The following TENM4 variants were observed in gnomAD, a reference collection of about 807,000 sequenced individuals.
TENM4 encodes teneurin transmembrane protein 4.
In TENM4, 82 loss-of-function variants were observed where a neutral mutation model predicts 243.3. The observed-to-expected ratio is 0.34, with a 90% CI of 0.28 to 0.40. The LOEUF (loss-of-function observed/expected upper bound fraction) is 0.40, where lower values mean the gene tolerates loss of function less well. TENM4 is among the 10% of genes least tolerant of loss of function. The pLI is 1.00. For synonymous variants in TENM4, 1,412 were observed against 1,456.3 expected (o/e 0.97, Z 0.69); for missense variants, 3,138 against 3,673.3 (o/e 0.85, Z 3.77).
chr11:79,273,443 T>C (rs2135348942), intron 2 of TENM4, among the ~76,000 whole-genome samples: 1 of 152,222 alleles, frequency 6.6e-6, no homozygotes, highest in East Asian at 1.9e-4. Context: ...GACTTGGGTT[T>C]CATGAGGTGC....
intron 14 of TENM4, among the ~76,000 whole-genome samples, chr11:78,809,326 G>A (rs933220209): frequency 6.6e-6 from 1 of 152,214 alleles, no homozygotes; most frequent in African/African-American, 2.4e-5. Context: ...TGTGGAGCAG[G>A]AGGGAAGTTT....
intron 3 of TENM4, among the ~76,000 whole-genome samples, chr11:79,159,811 G>T (rs1166873048): frequency 1.3e-5 from 2 of 152,108 alleles, no homozygotes; most frequent in Admixed American, 6.5e-5. Context: ...TACTGACTCA[G>T]TCATTCATTT....
chr11:78,991,908 A>T (rs1174189075), intron 6 of TENM4, among the ~76,000 whole-genome samples: 1 of 152,226 alleles, frequency 6.6e-6, no homozygotes, highest in East Asian at 1.9e-4. Flanking sequence ...TGGGAACAGG[A>T]GGGGTGGCAG....
chr11:79,246,251 T>C (rs1166574381), intron 2 of TENM4, among the ~76,000 whole-genome samples: 10 of 152,240 alleles, frequency 6.6e-5, no homozygotes, highest in Non-Finnish European at 1.3e-4. Context: ...AACCTTGGGA[T>C]ATGACTTATT....
intron 32 of TENM4, among the ~76,000 whole-genome samples, chr11:78,661,938 T>C (rs1174190351): frequency 6.6e-6 from 1 of 152,064 alleles, no homozygotes; most frequent in Non-Finnish European, 1.5e-5. Flanking sequence ...CCAACATCCA[T>C]AGGAGATACT....
At chr11:79,286,248 T>C (rs979215878) in intron 2 of TENM4, among the ~76,000 whole-genome samples, 3 of 152,128 alleles carry the variant, frequency 2.0e-5, no homozygotes, top group South Asian at 2.1e-4. Flanking sequence ...GTAGAGAATA[T>C]GAGCACTCGC....
At chr11:79,389,412 C>T (rs1018485821) in intron 1 of TENM4, among the ~76,000 whole-genome samples, 19 of 152,184 alleles carry the variant, frequency 1.2e-4, no homozygotes, top group Admixed American at 1.2e-3. Flanking sequence ...CTGCCTTGGC[C>T]TCCCAAAATG....
intron 4 of TENM4, among the ~76,000 whole-genome samples, chr11:79,129,535 G>A (rs1861955611): frequency 1.3e-5 from 2 of 152,168 alleles, no homozygotes; most frequent in Admixed American, 1.3e-4. Flanking sequence ...GTTTGTTGGG[G>A]GGTAGGGAGA....
intron 9 of TENM4, among the ~76,000 whole-genome samples, chr11:78,866,724 C>T (rs1858988737): frequency 6.6e-6 from 1 of 152,288 alleles, no homozygotes; most frequent in South Asian, 2.1e-4. Flanking sequence ...AGATGCACTC[C>T]TGAAAACTAT....
intron 28 of TENM4, among the ~76,000 whole-genome samples, chr11:78,691,309 C>T (rs1458813046): frequency 6.6e-6 from 1 of 152,188 alleles, no homozygotes; most frequent in Non-Finnish European, 1.5e-5. Context: ...CTCTGCTTCA[C>T]CAGCATTGGA....
chr11:78,723,802 A>G (rs529188767), intron 23 of TENM4, among the ~76,000 whole-genome samples: 129 of 152,272 alleles, frequency 8.5e-4, no homozygotes, highest in African/African-American at 3.0e-3. Flanking sequence ...ATCTTCTCCC[A>G]AACTGTTACC....
chr11:78,819,498 T>C (rs1412012405), intron 12 of TENM4, among the ~76,000 whole-genome samples: 3 of 152,172 alleles, frequency 2.0e-5, no homozygotes, highest in Admixed American at 6.5e-5. Flanking sequence ...GGGGCAGTAA[T>C]ATCAGTAAAG....
chr11:79,408,990 T>G (rs1398902722), intron 1 of TENM4, among the ~76,000 whole-genome samples: 1 of 151,974 alleles, frequency 6.6e-6, no homozygotes, highest in Non-Finnish European at 1.5e-5. Flanking sequence ...ATGGAATAAA[T>G]AAGAAGTATT....
At chr11:79,136,619 A>G (rs1862115254) in intron 4 of TENM4, among the ~76,000 whole-genome samples, 2 of 152,170 alleles carry the variant, frequency 1.3e-5, no homozygotes, top group Admixed American at 1.3e-4. Context: ...ATCATGGAAA[A>G]GGCAGAGGTT....
intron 1 of TENM4, among the ~76,000 whole-genome samples, chr11:79,398,229 C>T (rs1858385541): frequency 6.6e-6 from 1 of 151,610 alleles, no homozygotes; most frequent in African/African-American, 2.4e-5. Context: ...TAGGACAACC[C>T]CCAGCACCAT....
At chr11:79,350,368 G>C (rs1250505201) in intron 1 of TENM4, among the ~76,000 whole-genome samples, 1 of 151,336 alleles carries the variant, frequency 6.6e-6, no homozygotes, top group East Asian at 1.9e-4. Flanking sequence ...ACCTTAGTCC[G>C]TGCTGTCATC....
chr11:79,137,578 C>A (rs1267251720), intron 4 of TENM4, among the ~76,000 whole-genome samples: 1 of 152,182 alleles, frequency 6.6e-6, no homozygotes, highest in Admixed American at 6.6e-5. Context: ...CCAGTTACAA[C>A]CGCGTGACCA....
intron 19 of TENM4, among the ~76,000 whole-genome samples, chr11:78,754,004 A>G (rs943056852): frequency 1.3e-5 from 2 of 152,220 alleles, no homozygotes; most frequent in African/African-American, 4.8e-5. Context: ...AAAATAGATA[A>G]TATGTCCATC....
intron 1 of TENM4, among the ~76,000 whole-genome samples, chr11:79,427,477 A>G (rs1293257560): frequency 6.6e-6 from 1 of 152,226 alleles, no homozygotes; most frequent in Non-Finnish European, 1.5e-5. Flanking sequence ...ATCGTGATAG[A>G]TTAAGGTTGC....
Sources: allele counts gnomAD v4.1 joint callset (sites outside exome capture counted in the v4.1 genomes callset), GRCh38; gene constraint gnomAD v4.1.1; transcripts MANE v1.5; gene names NCBI Gene and HGNC (gene_info 2026-07-23, HGNC 2026-07-21).